MSL2: variants seen among roughly 807,000 people sequenced by gnomAD.
MSL2 encodes E3 ubiquitin-protein ligase MSL2.
In MSL2, 2 loss-of-function variants were observed where a neutral mutation model predicts 35.8. The observed-to-expected ratio is 0.06, with a 90% CI of 0.02 to 0.18. The LOEUF (loss-of-function observed/expected upper bound fraction) is 0.18, where lower values mean the gene tolerates loss of function less well. Ranked by LOEUF, MSL2 falls within the 10% of genes least tolerant of loss-of-function variation. The probability of loss-of-function intolerance (pLI) is 1.00; values close to 1 mark genes in which losing one functional copy is unlikely to be tolerated. For missense variants in MSL2, 523 were observed against 706.7 expected (o/e 0.74, Z 2.95); for synonymous variants, 296 against 255.7 (o/e 1.16, Z -1.50).
At chr3:136,174,144 T>C (rs1459505194) in intron 1 of MSL2, among the ~76,000 whole-genome samples, 1 of 152,240 alleles carries the variant, frequency 6.6e-6, no homozygotes, top group Non-Finnish European at 1.5e-5. Flanking sequence ...GGCCAGAAAC[T>C]TATTTATCTC....
intron 1 of MSL2, among the ~76,000 whole-genome samples, chr3:136,184,249 T>G (rs2108089971): frequency 6.6e-6 from 1 of 151,966 alleles, no homozygotes; most frequent in East Asian, 1.9e-4. Flanking sequence ...TGAACCCAGA[T>G]GGTGCCACTG....
chr3:136,153,759 C>A (rs963826827), intron 1 of MSL2, among the ~76,000 whole-genome samples: 1 of 148,932 alleles, frequency 6.7e-6, no homozygotes, highest in South Asian at 2.1e-4. Context: ...CACTGCAATC[C>A]AGCCTAAGCA....
intron 1 of MSL2, among the ~76,000 whole-genome samples, chr3:136,158,897 C>T (rs987507553): frequency 1.1e-4 from 17 of 152,096 alleles, no homozygotes; most frequent in Admixed American, 2.0e-4. Flanking sequence ...TTTAGAAAAA[C>T]TTTAACAAAG....
chr3:136,193,795 T>C (rs936864856), intron 1 of MSL2, among the ~76,000 whole-genome samples: 9 of 152,172 alleles, frequency 5.9e-5, no homozygotes, highest in Admixed American at 5.2e-4. Context: ...TAAGTGTCTG[T>C]CACCAGTCAG....
chr3:136,175,675 C>A (rs1940153203), intron 1 of MSL2, among the ~76,000 whole-genome samples: 1 of 152,006 alleles, frequency 6.6e-6, no homozygotes, highest in African/African-American at 2.4e-5. Flanking sequence ...GTGACAGAGG[C>A]CCCATCTCAA....
intron 1 of MSL2, among the ~76,000 whole-genome samples, chr3:136,153,841 G>T (rs376360390): frequency 6.6e-6 from 1 of 151,752 alleles, no homozygotes; most frequent in African/African-American, 2.4e-5. Context: ...CCAGCACTTT[G>T]GGGGGCTGAG....
intron 1 of MSL2, among the ~76,000 whole-genome samples, chr3:136,161,248 T>C (rs988862846): frequency 3.9e-5 from 6 of 152,232 alleles, no homozygotes; most frequent in Admixed American, 3.9e-4. Context: ...GGAACCCTTA[T>C]ATACTGCTCG....
intron 1 of MSL2, among the ~76,000 whole-genome samples, chr3:136,156,358 G>C (rs758445441): frequency 2.6e-5 from 4 of 152,166 alleles, no homozygotes; most frequent in Admixed American, 2.6e-4. Flanking sequence ...ATGGGAGAGG[G>C]AGGTTGGAAA....
Position 136,156,534 on chromosome 3 carries a change from A to C in MSL2, c.143-3796T>G, listed in dbSNP as rs115298034. On this transcript the variant is annotated intron_variant, in intron 1 of 1. Transcript: ENST00000309993. ...AAAGAATGAAGTCTCCTTAGAAAAAAAATTATGCCTCAATATCCCCAACAA... is the reference window on the plus strand; with the variant it reads ...AAAGAATGAAGTCTCCTTAGAAAAACAATTATGCCTCAATATCCCCAACAA... Among the ~76,000 whole-genome samples, 1,520 of 152,300 alleles carry C rather than the reference A, an allele frequency of 1.0e-2. 29 individuals are homozygous for C. The highest frequency in any genetic ancestry group is 0.035 in the African/African-American group (1,471 of 41,550).
At chr3:136,170,197 A>G (rs917693119) in intron 1 of MSL2, among the ~76,000 whole-genome samples, 16 of 151,500 alleles carry the variant, frequency 1.1e-4, no homozygotes, top group African/African-American at 3.6e-4. Context: ...ATATATATAT[A>G]CAAAAATTAG....
chr3:136,181,957 T>C (rs1231583052), intron 1 of MSL2, among the ~76,000 whole-genome samples: 4 of 139,280 alleles, frequency 2.9e-5, no homozygotes, highest in East Asian at 2.1e-4. Flanking sequence ...AATAAATAAA[T>C]AATCAAAACT....
chr3:136,189,544 G>A lies in MSL2; in HGVS notation c.142+5428C>T, dbSNP rs189939628. On this transcript the variant is annotated intron_variant, in intron 1 of 1. Transcript: ENST00000309993. ...TCGAGACCATCCTGGCTAACACAGT[G>A]AAACCCCTTGTCTACTAAAAACACA... 2.1e-3 allele frequency among the ~76,000 whole-genome samples: 314 copies of A among 150,282 alleles called. 2 individuals carry two copies. Among genetic ancestry groups the A allele is most frequent in the Middle Eastern group, 3.4e-3 (1 of 294 alleles).
chr3:136,153,359 T>C (rs542756497), intron 1 of MSL2, among the ~76,000 whole-genome samples: 2 of 152,276 alleles, frequency 1.3e-5, no homozygotes, highest in Admixed American at 6.5e-5. Flanking sequence ...GTAAGAGAGA[T>C]TTAGTCCCTG....
At chr3:136,152,787 C>T (rs762519839) in intron 1 of MSL2, 49 bp from the exon 2 acceptor site, 8 of 1,576,844 alleles carry the variant, frequency 5.1e-6, no homozygotes, top group Non-Finnish European at 6.9e-6. Context: ...ATAAATTTAC[C>T]ATTTCATAAA....
At chr3:136,169,122 A>C (rs1407320296) in intron 1 of MSL2, among the ~76,000 whole-genome samples, 1 of 150,688 alleles carries the variant, frequency 6.6e-6, no homozygotes, top group African/African-American at 2.4e-5. Flanking sequence ...GAAACGCTGC[A>C]AACAGAAAAT....
Position 136,150,389 on chromosome 3 carries a change from C to G in MSL2, c.*758G>C, listed in dbSNP as rs1160654697. On this transcript the variant is annotated 3_prime_UTR_variant, in exon 2 of 2. Coordinates refer to ENST00000309993, the MANE Select transcript of MSL2 (RefSeq NM_018133.4). ...AATTTTAAAAAAATTCTGTCACATA[C>G]TACATAGTCTAAATTTAATTACCTT... is the stretch of plus-strand genomic sequence containing the variant. 1 of 152,598 alleles carries G rather than the reference C, an allele frequency of 6.6e-6. No individual in the cohort carries two copies. Among genetic ancestry groups the G allele is most frequent in the East Asian group, 1.9e-4 (1 of 5,198 alleles). 9.5% of individuals were successfully genotyped at this position (152,598 alleles called of 1,614,324 possible).
intron 1 of MSL2, among the ~76,000 whole-genome samples, chr3:136,161,675 G>T (rs1196179313): frequency 6.6e-6 from 1 of 152,150 alleles, no homozygotes; most frequent in African/African-American, 2.4e-5. Flanking sequence ...GAAAAACAGT[G>T]GTTGCCTAGG....
At chr3:136,178,636 A>G (rs1461720889) in intron 1 of MSL2, among the ~76,000 whole-genome samples, 1 of 151,340 alleles carries the variant, frequency 6.6e-6, no homozygotes, top group South Asian at 2.1e-4. Context: ...AGGTTCAAGC[A>G]ATTCTCCTGC....
intron 1 of MSL2, among the ~76,000 whole-genome samples, chr3:136,158,123 C>A (rs953292033): frequency 6.6e-6 from 1 of 152,070 alleles, no homozygotes; most frequent in Non-Finnish European, 1.5e-5. Flanking sequence ...ACCAGCCTGA[C>A]CAACATGGAG....
Sources: gnomAD v4.1 joint callset for allele counts (sites outside exome capture counted in the v4.1 genomes callset) on GRCh38, gnomAD v4.1.1 for gene constraint, MANE v1.5 for transcripts, NCBI Gene and HGNC (gene_info 2026-07-23, HGNC 2026-07-21) for gene names.